Variants in TMCC1 observed in about 807,000 individuals in gnomAD.
TMCC1 encodes transmembrane and coiled-coil domains protein 1.
Under a neutral mutation model 52.4 loss-of-function variants are expected in TMCC1, and 15 were observed. The ratio of observed to expected loss-of-function variants is 0.29; its 90% CI spans 0.19 to 0.44. The LOEUF is 0.44. Ranked by LOEUF, TMCC1 falls within the 20% of genes least tolerant of loss-of-function variation. The pLI is 1.00. For synonymous variants in TMCC1, 279 were observed against 301.9 expected, an observed-to-expected ratio of 0.92 and a Z score of 0.79; for missense variants, 503 against 806.0, an observed-to-expected ratio of 0.62 and a Z score of 4.55.
At chr3:129,789,803 T>C (rs1371091872) in intron 4 of TMCC1, among the ~76,000 whole-genome samples, 1 of 152,184 alleles carries the variant, frequency 6.6e-6, no homozygotes, top group Non-Finnish European at 1.5e-5. Flanking sequence ...TTTTCTTTTA[T>C]TGATAACAAA....
intron 4 of TMCC1, among the ~76,000 whole-genome samples, chr3:129,772,768 C>CG (rs1576785526): frequency 7.0e-6 from 1 of 142,490 alleles, no homozygotes; most frequent in East Asian, 2.0e-4. Flanking sequence ...AAAAAATAAA[C>CG]GGCCTTTAAA....
In TMCC1 at chr3:129,647,844, A is replaced by G. The variant is rs1288599507; in HGVS notation, c.*3637T>C. 6.5e-6 allele frequency: 1 copy of G among 152,680 alleles called. No homozygotes were observed. Among genetic ancestry groups the G allele is most frequent in the Non-Finnish European group, 1.5e-5 (1 of 68,036 alleles). 9.5% of individuals were successfully genotyped at this position (152,680 alleles called of 1,614,324 possible). On this transcript the variant is annotated 3_prime_UTR_variant, in exon 7 of 7. Transcript: ENST00000393238. ...TCTATATACAGTAAAAGTGCTGCTGAGAATCTGCAGCGACCAGACAGAACA... is the reference window on the plus strand; with the variant it reads ...TCTATATACAGTAAAAGTGCTGCTGGGAATCTGCAGCGACCAGACAGAACA...
At chr3:129,704,057 C>G (rs1462363647) in intron 4 of TMCC1, among the ~76,000 whole-genome samples, 1 of 152,070 alleles carries the variant, frequency 6.6e-6, no homozygotes, top group East Asian at 1.9e-4. Flanking sequence ...GAAGGAGAAA[C>G]CAGTAAGATT....
chr3:129,857,528 T>C (rs1319574595), intron 2 of TMCC1: 1 of 152,250 alleles, frequency 6.6e-6, no homozygotes. Context: ...TGTATTTGTA[T>C]AGTACTTTGT....
At chr3:129,845,525 TAAAG>T (rs1337852640) in intron 2 of TMCC1, among the ~76,000 whole-genome samples, 1 of 152,092 alleles carries the variant, frequency 6.6e-6, no homozygotes, top group Non-Finnish European at 1.5e-5. Context: ...CTTTTTGAAA[TAAAG>T]ATACATAAAT....
At position 129,648,272 on chromosome 3, in the gene TMCC1, A is replaced by G. The variant is rs777461664; in HGVS notation, c.*3209T>C. On this transcript the variant is annotated 3_prime_UTR_variant, in exon 7 of 7. Coordinates refer to ENST00000393238, the MANE Select transcript of TMCC1 (RefSeq NM_001017395.5). ...CTGACTGTACCTCAAAGGAACATGA[A>G]ATCAGAAACAAAACCAAATGCAGTG... 1 of 152,234 alleles carries G rather than the reference A, an allele frequency of 6.6e-6. No homozygotes were observed. The highest frequency in any genetic ancestry group is 1.5e-5 in the Non-Finnish European group (1 of 68,044). The allele number at this position is 152,234 out of a possible 1,614,324, so 9.4% of individuals were successfully genotyped here. A position where few individuals can be genotyped will look rare whatever the true frequency, so the allele number is the denominator to read the frequency against.
At chr3:129,867,012 G>A (rs758444372) in intron 2 of TMCC1, 3 of 151,312 alleles carry the variant, frequency 2.0e-5, no homozygotes, top group Non-Finnish European at 4.4e-5. Flanking sequence ...TTTGATACCT[G>A]TTTCACCTAA....
At chr3:129,835,260 T>C (rs1560514903) in intron 2 of TMCC1, among the ~76,000 whole-genome samples, 1 of 152,136 alleles carries the variant, frequency 6.6e-6, no homozygotes. Context: ...GGCTGTGTTT[T>C]CATGCTGTGA....
At chr3:129,709,105 AT>A (rs1418885393) in intron 4 of TMCC1, among the ~76,000 whole-genome samples, 1 of 152,150 alleles carries the variant, frequency 6.6e-6, no homozygotes, top group Non-Finnish European at 1.5e-5. Context: ...TGCATATCTA[AT>A]TTTAAGATTA....
intron 4 of TMCC1, among the ~76,000 whole-genome samples, chr3:129,683,258 ATTCT>A (rs1224775742): frequency 6.6e-6 from 1 of 152,144 alleles, no homozygotes; most frequent in African/African-American, 2.4e-5. Context: ...CCTTTTTTCC[ATTCT>A]ACCTTGTACA....
intron 1 of TMCC1, among the ~76,000 whole-genome samples, chr3:129,881,101 A>T (rs1455346747): frequency 6.6e-6 from 1 of 151,986 alleles, no homozygotes; most frequent in African/African-American, 2.4e-5. Context: ...TGACCTCATG[A>T]TCCCCCTGCC....
intron 4 of TMCC1, among the ~76,000 whole-genome samples, chr3:129,763,902 TA>T (rs199688769): frequency 0.014 from 2,017 of 139,580 alleles, 16 homozygotes; most frequent in African/African-American, 0.026. Flanking sequence ...TCTACTTACT[TA>T]AAAAAAAAAA....
At chr3:129,843,415 A>G (rs2059514662) in intron 2 of TMCC1, among the ~76,000 whole-genome samples, 1 of 152,144 alleles carries the variant, frequency 6.6e-6, no homozygotes, top group African/African-American at 2.4e-5. Flanking sequence ...AAGAAACACA[A>G]TGTAGAAAAA....
intron 4 of TMCC1, among the ~76,000 whole-genome samples, chr3:129,706,857 G>C (rs2048286110): frequency 6.6e-6 from 1 of 152,002 alleles, no homozygotes; most frequent in Admixed American, 6.6e-5. Context: ...GAGTGCAATG[G>C]CTATTCACAG....
In TMCC1 at chr3:129,775,838, C is replaced by T. The variant is rs180831771; in HGVS notation, c.576+51965G>A. 2.0e-5 allele frequency among the ~76,000 whole-genome samples: 3 copies of T among 152,298 alleles called. No individual in the cohort carries two copies. In the East Asian group the frequency reaches 5.8e-4, roughly 29 times the overall value. Reference sequence around the variant, plus strand: ...CCATGTGCTCCATACTGTAGCCAGACAGATCTTTTAAAAATATAAATCAGA... The same window carrying T: ...CCATGTGCTCCATACTGTAGCCAGATAGATCTTTTAAAAATATAAATCAGA... On this transcript the variant is annotated intron_variant, in intron 4 of 6. Coordinates refer to ENST00000393238, the MANE Select transcript of TMCC1 (RefSeq NM_001017395.5).
intron 4 of TMCC1, among the ~76,000 whole-genome samples, chr3:129,766,384 G>C (rs2054131239): frequency 1.3e-5 from 2 of 152,136 alleles, no homozygotes; most frequent in Admixed American, 1.3e-4. Context: ...TGAGTTTATT[G>C]CATTTGTAAG....
At chr3:129,799,970 A>G (rs1385413549) in intron 4 of TMCC1, among the ~76,000 whole-genome samples, 3 of 152,222 alleles carry the variant, frequency 2.0e-5, no homozygotes, top group Non-Finnish European at 4.4e-5. Flanking sequence ...GATATAAAAC[A>G]TCTATGTCCA....
chr3:129,692,366 A>C (rs532304230), intron 4 of TMCC1, among the ~76,000 whole-genome samples: 1 of 152,234 alleles, frequency 6.6e-6, no homozygotes, highest in Non-Finnish European at 1.5e-5. Flanking sequence ...ATCACAGACT[A>C]ATGTTAAATG....
At chr3:129,731,601 T>A (rs1418286138) in intron 4 of TMCC1, among the ~76,000 whole-genome samples, 1 of 151,790 alleles carries the variant, frequency 6.6e-6, no homozygotes, top group African/African-American at 2.4e-5. Context: ...AAATAAGAAC[T>A]CTTAGCAAAT....
Sources: gnomAD v4.1 joint callset for allele counts (sites outside exome capture counted in the v4.1 genomes callset) on GRCh38, gnomAD v4.1.1 for gene constraint, MANE v1.5 for transcripts, NCBI Gene and HGNC (gene_info 2026-07-23, HGNC 2026-07-21) for gene names.